The following KCNIP4 variants were observed in gnomAD, a reference collection of about 807,000 sequenced individuals.
KCNIP4 encodes Kv channel-interacting protein 4.
Under a neutral mutation model 34.0 loss-of-function variants are expected in KCNIP4, and 12 were observed. The observed-to-expected ratio is 0.35, with a 90% CI of 0.23 to 0.57. KCNIP4 has a LOEUF of 0.57. KCNIP4 is among the 20% of genes least tolerant of loss of function. The probability of loss-of-function intolerance (pLI) is 0.83; values close to 1 mark genes in which losing one functional copy is unlikely to be tolerated. For missense variants in KCNIP4, 238 were observed against 311.7 expected, an observed-to-expected ratio of 0.76 and a Z score of 1.78; for synonymous variants, 124 against 102.2, an observed-to-expected ratio of 1.21 and a Z score of -1.29.
chr4:21,936,822 A>G (rs1267757198), intron 1 of KCNIP4, among the ~76,000 whole-genome samples: 1 of 152,024 alleles, frequency 6.6e-6, no homozygotes, highest in African/African-American at 2.4e-5. Flanking sequence ...CTGTTAGTTA[A>G]CAAATATGGG....
chr4:21,129,889 TAA>T lies in KCNIP4; in HGVS notation c.62-247182_62-247181del, dbSNP rs11384657. ...GTAACCAGTGTTGAAGCAGAAATGT[TAA>T]AAAAAAAAACAGTGTGAATGTAAAT... On this transcript the variant is annotated intron_variant, in intron 1 of 8. Coordinates refer to ENST00000382152, the MANE Select transcript of KCNIP4 (RefSeq NM_025221.6). 4.7e-3 allele frequency among the ~76,000 whole-genome samples: 702 copies of T among 149,502 alleles called. 4 individuals are homozygous for T. The highest frequency in any genetic ancestry group is 0.017 in the African/African-American group (677 of 40,988).
At chr4:21,695,260 T>C (rs1712183141) in intron 1 of KCNIP4, among the ~76,000 whole-genome samples, 1 of 152,140 alleles carries the variant, frequency 6.6e-6, no homozygotes, top group African/African-American at 2.4e-5. Context: ...TGAGTAGTTG[T>C]AAAGATTCTG....
intron 1 of KCNIP4, among the ~76,000 whole-genome samples, chr4:21,677,425 G>A (rs922465933): frequency 2.0e-5 from 3 of 152,188 alleles, no homozygotes; most frequent in African/African-American, 7.2e-5. Context: ...ATGTGTTCAG[G>A]ATGCTCTTGA....
At chr4:21,107,071 T>A (rs1482871489) in intron 1 of KCNIP4, among the ~76,000 whole-genome samples, 3 of 147,388 alleles carry the variant, frequency 2.0e-5, no homozygotes, top group Admixed American at 6.7e-5. Flanking sequence ...AAATGTATAT[T>A]CTGTTGATTT....
chr4:21,013,395 C>T (rs1739233284), intron 1 of KCNIP4, among the ~76,000 whole-genome samples: 2 of 152,116 alleles, frequency 1.3e-5, no homozygotes, highest in South Asian at 4.1e-4. Context: ...CAGCTTGATG[C>T]TCCTGAAGTC....
At chr4:21,604,052 T>C (rs772173502) in intron 1 of KCNIP4, among the ~76,000 whole-genome samples, 2 of 152,170 alleles carry the variant, frequency 1.3e-5, no homozygotes, top group African/African-American at 4.8e-5. Flanking sequence ...TTATAAATTT[T>C]AGGTTTTACT....
At chr4:21,236,680 A>G (rs1759380412) in intron 1 of KCNIP4, among the ~76,000 whole-genome samples, 1 of 152,036 alleles carries the variant, frequency 6.6e-6, no homozygotes, top group African/African-American at 2.4e-5. Context: ...TAGTGAACAG[A>G]TATTTAATAA....
chr4:21,175,939 G>A (rs996143115), intron 1 of KCNIP4, among the ~76,000 whole-genome samples: 1 of 151,948 alleles, frequency 6.6e-6, no homozygotes, highest in Non-Finnish European at 1.5e-5. Context: ...TCATCCCAGA[G>A]TTTAAAACTC....
At chr4:21,925,232 C>T (rs1480383829) in intron 1 of KCNIP4, among the ~76,000 whole-genome samples, 1 of 138,262 alleles carries the variant, frequency 7.2e-6, no homozygotes, top group Non-Finnish European at 1.5e-5. Context: ...ATCCCTTCCC[C>T]CTCCCCCCAC....
chr4:21,767,052 G>C (rs1051153187), intron 1 of KCNIP4, among the ~76,000 whole-genome samples: 3 of 152,170 alleles, frequency 2.0e-5, no homozygotes, highest in Non-Finnish European at 2.9e-5. Context: ...ACACAAGAAA[G>C]GGAGTCAGGG....
intron 1 of KCNIP4, among the ~76,000 whole-genome samples, chr4:21,584,358 C>A (rs1346318915): frequency 3.9e-5 from 6 of 151,954 alleles, no homozygotes; most frequent in Admixed American, 6.6e-5. Flanking sequence ...CAACTAATTT[C>A]TCAACCTAAA....
chr4:21,064,427 G>A (rs900031937), intron 1 of KCNIP4, among the ~76,000 whole-genome samples: 1 of 151,698 alleles, frequency 6.6e-6, no homozygotes, highest in African/African-American at 2.4e-5. Context: ...AGAAAATGCT[G>A]CAATAGTATG....
intron 1 of KCNIP4, among the ~76,000 whole-genome samples, chr4:21,332,301 T>G (rs1715731012): frequency 6.7e-6 from 1 of 149,974 alleles, no homozygotes; most frequent in Non-Finnish European, 1.5e-5. Flanking sequence ...CTGATTTTTT[T>G]TTATTGTTAG....
At chr4:21,375,691 C>T (rs1190273463) in intron 1 of KCNIP4, among the ~76,000 whole-genome samples, 2 of 151,936 alleles carry the variant, frequency 1.3e-5, no homozygotes, top group African/African-American at 4.8e-5. Flanking sequence ...CTCAGCCTCC[C>T]GAGTAGCTGG....
intron 1 of KCNIP4, among the ~76,000 whole-genome samples, chr4:21,158,396 T>C (rs1041114995): frequency 3.9e-5 from 6 of 152,086 alleles, no homozygotes; most frequent in African/African-American, 1.4e-4. Context: ...TGGTGCAAAA[T>C]TTCTAAAGAA....
At chr4:20,970,892 A>G (rs1734874287) in intron 1 of KCNIP4, among the ~76,000 whole-genome samples, 1 of 152,194 alleles carries the variant, frequency 6.6e-6, no homozygotes, top group African/African-American at 2.4e-5. Context: ...TGCTCTACAT[A>G]TGCGGTGCTT....
intron 1 of KCNIP4, among the ~76,000 whole-genome samples, chr4:21,049,235 C>A (rs1333193241): frequency 2.0e-5 from 3 of 152,030 alleles, no homozygotes; most frequent in Non-Finnish European, 4.4e-5. Context: ...CAGGCGTGAG[C>A]CACCGCGCCC....
chr4:20,969,006 C>T (rs1577456681), intron 1 of KCNIP4, among the ~76,000 whole-genome samples: 1 of 152,298 alleles, frequency 6.6e-6, no homozygotes, highest in South Asian at 2.1e-4. Flanking sequence ...AAGTAAACTA[C>T]ATCTACTACT....
intron 1 of KCNIP4, among the ~76,000 whole-genome samples, chr4:21,427,686 A>G (rs1189602603): frequency 4.6e-5 from 7 of 152,192 alleles, no homozygotes. Context: ...ATCCAGTCTC[A>G]GAAAGATGAA....
Sources: allele counts gnomAD v4.1 joint callset (sites outside exome capture counted in the v4.1 genomes callset), GRCh38; gene constraint gnomAD v4.1.1; transcripts MANE v1.5; gene names NCBI Gene and HGNC (gene_info 2026-07-23, HGNC 2026-07-21).